Variants in RORC observed in about 807,000 individuals in gnomAD.
RORC encodes RAR related orphan receptor C.
A neutral mutation model predicts 64.5 loss-of-function variants in RORC; 13 were observed. The ratio of observed to expected loss-of-function variants is 0.20; its 90% CI spans 0.13 to 0.32. RORC has a LOEUF of 0.32. Among genes scored for constraint, RORC ranks in the 10% least tolerant of loss-of-function variants. The probability of loss-of-function intolerance (pLI) is 1.00; values close to 1 mark genes in which losing one functional copy is unlikely to be tolerated. For missense variants in RORC, 468 were observed against 669.5 expected, an observed-to-expected ratio of 0.70 and a Z score of 3.32; for synonymous variants, 277 against 259.3, an observed-to-expected ratio of 1.07 and a Z score of -0.65.
Position 151,814,711 on chromosome 1 carries a change from G to A in RORC, c.812-16C>T, listed in dbSNP as rs749022249. The A allele has an allele frequency of 2.5e-6, 4 of 1,600,818 alleles. No individual in the cohort carries two copies. Among genetic ancestry groups the A allele is most frequent in the Non-Finnish European group, 3.4e-6 (4 of 1,170,246 alleles). On this transcript the variant is annotated splice_polypyrimidine_tract_variant and intron_variant, in intron 5 of 10. Transcript: ENST00000318247. ...ACCAGGTGCTCTGGGGCCGGAGAAGGAAGGCATGGCTTGATCTCAGCCAGC... is the reference window on the plus strand; with the variant it reads ...ACCAGGTGCTCTGGGGCCGGAGAAGAAAGGCATGGCTTGATCTCAGCCAGC...
At chr1:151,820,846 A>C (rs938022306) in intron 2 of RORC, among the ~76,000 whole-genome samples, 3 of 152,148 alleles carry the variant, frequency 2.0e-5, no homozygotes, top group Middle Eastern at 3.2e-3. Context: ...TTATACTTTG[A>C]GTAGCAAGAA....
At chr1:151,812,749 C>T (rs1233308638) in intron 9 of RORC, 198 bp downstream of exon 9, 4 of 492,470 alleles carry the variant, frequency 8.1e-6, no homozygotes, top group Admixed American at 3.8e-5. Flanking sequence ...CCACCTTATG[C>T]TGCTCTTGTC....
At chr1:151,824,687 A>G (rs1652122255) in intron 2 of RORC, among the ~76,000 whole-genome samples, 1 of 152,112 alleles carries the variant, frequency 6.6e-6, no homozygotes, top group Non-Finnish European at 1.5e-5. Flanking sequence ...ACCCTTGGGG[A>G]TGCCTGCCTT....
At chr1:151,825,211 G>A (rs1349571520) in intron 2 of RORC, among the ~76,000 whole-genome samples, 1 of 152,072 alleles carries the variant, frequency 6.6e-6, no homozygotes, top group Non-Finnish European at 1.5e-5. Flanking sequence ...CCATTGCCTT[G>A]CTTCCCCGGT....
chr1:151,813,952 G>T (rs994906486), intron 6 of RORC: 9 of 257,936 alleles, frequency 3.5e-5, no homozygotes, highest in Non-Finnish European at 6.7e-5. Context: ...TATGCCCAAG[G>T]TCTCAATAAC....
intron 4 of RORC, 129 bp from the exon 5 acceptor site, chr1:151,815,554 T>C: frequency 8.0e-7 from 1 of 1,248,282 alleles, no homozygotes; most frequent in Non-Finnish European, 1.1e-6. Flanking sequence ...GCACAGCTTC[T>C]CTAGCCTTTA....
chr1:151,818,389 C>T (rs58123348), intron 2 of RORC, among the ~76,000 whole-genome samples: 5 of 152,192 alleles, frequency 3.3e-5, no homozygotes, highest in African/African-American at 1.2e-4. Flanking sequence ...CCCGGGTTCT[C>T]TCTCCCACTG....
chr1:151,808,010 C>T (rs1021198699), intron 10 of RORC, among the ~76,000 whole-genome samples: 1 of 152,326 alleles, frequency 6.6e-6, no homozygotes, highest in South Asian at 2.1e-4. Context: ...CTTCCCATTA[C>T]TAATCCTTAC....
At chr1:151,825,627 G>A (rs555632372) in intron 2 of RORC, among the ~76,000 whole-genome samples, 5 of 152,110 alleles carry the variant, frequency 3.3e-5, no homozygotes, top group African/African-American at 9.7e-5. Context: ...CCAAGTACGC[G>A]GCCTCCTTGG....
Position 151,817,175 on chromosome 1 carries a change from T to C in RORC, c.156+20A>G, listed in dbSNP as rs930228913. ...GTATGCACACGCACACATGCATGCA[T>C]ACACATGCCTATGACTCACCTTGCA... On this transcript the variant is annotated intron_variant, in intron 3 of 10. Transcript: ENST00000318247. The C allele has an allele frequency of 1.9e-6, 3 of 1,574,438 alleles. No individual in the cohort carries two copies. Among genetic ancestry groups the C allele is most frequent in the East Asian group, 2.2e-5 (1 of 44,582 alleles).
intron 2 of RORC, among the ~76,000 whole-genome samples, chr1:151,818,971 G>A (rs555090650): frequency 2.5e-4 from 38 of 152,264 alleles, no homozygotes; most frequent in African/African-American, 9.1e-4. Flanking sequence ...GACCCTGACG[G>A]GGACAGGGCA....
At chr1:151,831,455 C>T (rs1652416844) in intron 1 of RORC, among the ~76,000 whole-genome samples, 1 of 152,150 alleles carries the variant, frequency 6.6e-6, no homozygotes, top group South Asian at 2.1e-4. Flanking sequence ...TCTTCCCTCC[C>T]CATCTACCCT....
At chr1:151,810,449 G>T (rs1651476874) in intron 10 of RORC, among the ~76,000 whole-genome samples, 1 of 152,038 alleles carries the variant, frequency 6.6e-6, no homozygotes, top group East Asian at 1.9e-4. Flanking sequence ...ATACATAGGG[G>T]ACACAGGGAT....
chr1:151,828,226 C>G (rs1395016475), intron 2 of RORC, among the ~76,000 whole-genome samples: 2 of 152,194 alleles, frequency 1.3e-5, no homozygotes, highest in Non-Finnish European at 1.5e-5. Flanking sequence ...GGCGAGATGG[C>G]AGTGAGCTCT....
At chr1:151,824,245 C>CA (rs1652105004) in intron 2 of RORC, among the ~76,000 whole-genome samples, 1 of 152,078 alleles carries the variant, frequency 6.6e-6, no homozygotes, top group African/African-American at 2.4e-5. Flanking sequence ...TGGCACTGAC[C>CA]CCCTCGTTGG....
At chr1:151,825,692 T>C (rs1652167968) in intron 2 of RORC, among the ~76,000 whole-genome samples, 1 of 152,076 alleles carries the variant, frequency 6.6e-6, no homozygotes, top group African/African-American at 2.4e-5. Flanking sequence ...CTTTTGGAGG[T>C]TCTTTTTGGA....
At chr1:151,818,139 C>G (rs752842379) in intron 2 of RORC, among the ~76,000 whole-genome samples, 1 of 152,166 alleles carries the variant, frequency 6.6e-6, no homozygotes, top group Non-Finnish European at 1.5e-5. Context: ...GGGCCAGGGT[C>G]ATAGGCTAGT....
intron 10 of RORC, among the ~76,000 whole-genome samples, chr1:151,809,860 A>G (rs1292360419): frequency 6.6e-6 from 1 of 152,198 alleles, no homozygotes; most frequent in Non-Finnish European, 1.5e-5. Context: ...TAAATTGCCT[A>G]AATGACAGCT....
Position 151,814,603 on chromosome 1 carries a change from G to A in RORC, c.904C>T (p.Arg302Trp), listed in dbSNP as rs746990319. 1.8e-5 allele frequency: 29 copies of A among 1,612,538 alleles called. No individual in the cohort carries two copies. Among genetic ancestry groups the A allele is most frequent in the East Asian group, 1.1e-4 (5 of 44,860 alleles). ...CTCTGGTAGCCAGTCACTTCCTCCC[G>A]GGAGAAGATGTTGGAGCGCTGCCGC... ...LLRQRSNIFS[R>W]EEVTGYQRKS... Residue 302 changes from arginine to tryptophan, a missense_variant, in exon 6 of 11, where the codon CGG becomes TGG. Transcript: ENST00000318247.
Sources: gnomAD v4.1 joint callset for allele counts (sites outside exome capture counted in the v4.1 genomes callset) on GRCh38, gnomAD v4.1.1 for gene constraint, MANE v1.5 for transcripts, NCBI Gene and HGNC (gene_info 2026-07-23, HGNC 2026-07-21) for gene names.